The following PAPPA2 variants were observed in gnomAD, a reference collection of about 807,000 sequenced individuals.
PAPPA2 encodes the protein pappalysin 2.
In PAPPA2, 86 loss-of-function variants were observed where a neutral mutation model predicts 176.4. The observed-to-expected ratio is 0.49, with a 90% CI of 0.41 to 0.58. The LOEUF is 0.58. Ranked by LOEUF, PAPPA2 falls within the 20% of genes least tolerant of loss-of-function variation. The pLI is 0.00. For synonymous variants in PAPPA2, 809 were observed against 852.2 expected, an observed-to-expected ratio of 0.95 and a Z score of 0.88; for missense variants, 2,073 against 2,256.9, an observed-to-expected ratio of 0.92 and a Z score of 1.65.
At chr1:176,633,329 C>T (rs1278957268) in intron 3 of PAPPA2, among the ~76,000 whole-genome samples, 5 of 152,132 alleles carry the variant, frequency 3.3e-5, no homozygotes, top group Non-Finnish European at 5.9e-5. Context: ...AAGAAACAAG[C>T]AAGACCTCAG....
At chr1:176,767,976 C>T (rs1047600079) in intron 15 of PAPPA2, among the ~76,000 whole-genome samples, 2 of 152,112 alleles carry the variant, frequency 1.3e-5, no homozygotes, top group African/African-American at 4.8e-5. Context: ...CACTGGGAAG[C>T]GGGAAGGAGC....
At chr1:176,577,632 C>T (rs888705450) in intron 2 of PAPPA2, among the ~76,000 whole-genome samples, 7 of 152,086 alleles carry the variant, frequency 4.6e-5, no homozygotes, top group Non-Finnish European at 1.0e-4. Flanking sequence ...CTGCTGTCTG[C>T]CAGGTTTGCT....
At chr1:176,491,322 G>T (rs1647277283) in intron 1 of PAPPA2, among the ~76,000 whole-genome samples, 1 of 152,228 alleles carries the variant, frequency 6.6e-6, no homozygotes, top group African/African-American at 2.4e-5. Context: ...GAGTCTTGAA[G>T]TGGGAAAAAT....
chr1:176,740,818 CTA>C (rs796209324), intron 14 of PAPPA2, among the ~76,000 whole-genome samples: 10 of 152,286 alleles, frequency 6.6e-5, no homozygotes, highest in African/African-American at 2.4e-4. Flanking sequence ...ACACAATAAT[CTA>C]TTCTGCATTT....
chr1:176,623,576 C>T (rs12136888), intron 3 of PAPPA2, among the ~76,000 whole-genome samples: 7,736 of 84,136 alleles, frequency 0.092, 821 homozygotes, highest in African/African-American at 0.19. Flanking sequence ...CCTTCCTTCC[C>T]TCCTTCCTTC....
At chr1:176,791,266 A>G in intron 18 of PAPPA2, 81 bp from the exon 19 acceptor site, 1 of 1,292,166 alleles carries the variant, frequency 7.7e-7, no homozygotes, top group East Asian at 2.6e-5. Flanking sequence ...GGAGAATACT[A>G]CCACTTAATC....
intron 1 of PAPPA2, among the ~76,000 whole-genome samples, chr1:176,533,781 G>T (rs1241796084): frequency 6.6e-6 from 1 of 152,192 alleles, no homozygotes; most frequent in African/African-American, 2.4e-5. Flanking sequence ...AAGCTGTCAG[G>T]TGATGCTGAT....
rs537792488 is a variant in PAPPA2, at chr1:176,809,102, C to T, written c.5202+8970C>T. On this transcript the variant is annotated intron_variant, in intron 21 of 22. Coordinates refer to ENST00000367662, the MANE Select transcript of PAPPA2 (RefSeq NM_020318.3). ...AGTTTTAAAAGGATATATATTCTCCCTCTCTGATATGGTTACACATTTGCT... is the reference window on the plus strand; with the variant it reads ...AGTTTTAAAAGGATATATATTCTCCTTCTCTGATATGGTTACACATTTGCT... 2.7e-3 allele frequency among the ~76,000 whole-genome samples: 417 copies of T among 152,262 alleles called. 4 individuals are homozygous for T. Among genetic ancestry groups the T allele is most frequent in the Non-Finnish European group, 4.1e-3 (278 of 68,020 alleles).
chr1:176,727,222 T>C (rs578078216), intron 12 of PAPPA2, among the ~76,000 whole-genome samples: 28 of 152,160 alleles, frequency 1.8e-4, no homozygotes, highest in Non-Finnish European at 3.5e-4. Flanking sequence ...TAAACCCACC[T>C]ATATCATTAA....
intron 1 of PAPPA2, among the ~76,000 whole-genome samples, chr1:176,496,569 T>G (rs537731369): frequency 1.1e-4 from 17 of 152,128 alleles, no homozygotes; most frequent in Non-Finnish European, 2.4e-4. Context: ...CCTCGTTGTC[T>G]TTGGTGTCAG....
rs1265644696 is a variant in PAPPA2, at chr1:176,595,038, T to C, written c.1434T>C (p.Leu478=). The C allele has an allele frequency of 1.9e-6, 3 of 1,614,104 alleles. No individual in the cohort carries two copies. The highest frequency in any genetic ancestry group is 2.5e-6 in the Non-Finnish European group (3 of 1,180,004). Residue 478 remains leucine (L), a synonymous_variant, in exon 3 of 23, where the codon CTT becomes CTC. Coordinates refer to ENST00000367662, the MANE Select transcript of PAPPA2 (RefSeq NM_020318.3). ...VPFRDEKYPR[L]EVLQGFEPEP... ...TTAGAGATGAGAAGTACCCACGACT[T>C]GAGGTTCTCCAGGGCTTTGAGCCAG...
intron 21 of PAPPA2, among the ~76,000 whole-genome samples, chr1:176,807,235 T>C (rs2102957363): frequency 6.6e-6 from 1 of 152,268 alleles, no homozygotes; most frequent in South Asian, 2.1e-4. Flanking sequence ...CACTATTAAT[T>C]CTCATAGAAC....
chr1:176,639,902 A>T (rs987492727), intron 3 of PAPPA2, among the ~76,000 whole-genome samples: 3 of 151,502 alleles, frequency 2.0e-5, no homozygotes, highest in Non-Finnish European at 4.4e-5. Context: ...ATTACAGAAG[A>T]TAGATACTAT....
intron 19 of PAPPA2, among the ~76,000 whole-genome samples, chr1:176,792,705 GTA>G (rs1665236676): frequency 6.6e-6 from 1 of 151,276 alleles, no homozygotes; most frequent in South Asian, 2.1e-4. Flanking sequence ...AAAACTTAAA[GTA>G]TAATAAAAAA....
chr1:176,467,217 G>A (rs1411286605), intron 1 of PAPPA2, among the ~76,000 whole-genome samples: 1 of 152,070 alleles, frequency 6.6e-6, no homozygotes, highest in Non-Finnish European at 1.5e-5. Context: ...TCCAAACATA[G>A]AAAAAGAATA....
intron 12 of PAPPA2, among the ~76,000 whole-genome samples, chr1:176,724,887 T>C (rs767915758): frequency 2.6e-5 from 4 of 152,210 alleles, no homozygotes; most frequent in Non-Finnish European, 5.9e-5. Context: ...ATTCTAAAAA[T>C]GATTATCTTA....
chr1:176,756,481 A>G (rs1663424148), intron 14 of PAPPA2, among the ~76,000 whole-genome samples: 1 of 152,220 alleles, frequency 6.6e-6, no homozygotes, highest in South Asian at 2.1e-4. Flanking sequence ...TTTCAAATAA[A>G]TGATTCTGCT....
chr1:176,739,804 C>G, intron 13 of PAPPA2, 43 bp downstream of exon 13: 2 of 1,605,040 alleles, frequency 1.2e-6, no homozygotes, highest in Non-Finnish European at 1.7e-6. Context: ...AGAGGACAAC[C>G]CGGTAGACCC....
At chr1:176,481,892 A>G (rs1467211856) in intron 1 of PAPPA2, among the ~76,000 whole-genome samples, 2 of 150,214 alleles carry the variant, frequency 1.3e-5, no homozygotes, top group Admixed American at 1.3e-4. Context: ...TTTTTTTTTT[A>G]GTAGAGATCT....
Sources: gnomAD v4.1 joint callset for allele counts (sites outside exome capture counted in the v4.1 genomes callset) on GRCh38, gnomAD v4.1.1 for gene constraint, MANE v1.5 for transcripts, NCBI Gene and HGNC (gene_info 2026-07-23, HGNC 2026-07-21) for gene names.